WDR75: variants seen among roughly 807,000 people sequenced by gnomAD.
WDR75 encodes the protein WD repeat-containing protein 75.
A neutral mutation model predicts 106.1 loss-of-function variants in WDR75; 52 were observed. The ratio of observed to expected loss-of-function variants is 0.49; its 90% CI spans 0.39 to 0.62. The LOEUF is 0.62. WDR75 is among the 20% of genes least tolerant of loss of function. The pLI is 0.00. For missense variants in WDR75, 905 were observed against 970.3 expected, an observed-to-expected ratio of 0.93 and a Z score of 0.89; for synonymous variants, 333 against 335.5, an observed-to-expected ratio of 0.99 and a Z score of 0.08.
intron 5 of WDR75, among the ~76,000 whole-genome samples, chr2:189,456,530 G>T (rs7571181): frequency 0.065 from 9,827 of 152,020 alleles, 486 homozygotes; most frequent in African/African-American, 0.14. Context: ...GCAGAAAAGA[G>T]TGTATATTTT....
At chr2:189,467,776 A>G (rs1341677670) in intron 14 of WDR75, 128 bp downstream of exon 14, 4 of 876,802 alleles carry the variant, frequency 4.6e-6, no homozygotes, top group Admixed American at 7.3e-5. Context: ...CAGCTAATCA[A>G]AATGCTGGAA....
chr2:189,450,667 AG>A, intron 2 of WDR75: 1 of 1,327,516 alleles, frequency 7.5e-7, no homozygotes, highest in East Asian at 3.4e-5. Context: ...CAAGACAGAA[AG>A]TTGGCTTTTT....
Position 189,457,317 on chromosome 2 carries a change from T to C in WDR75, c.505T>C (p.Tyr169His). The C allele has an allele frequency of 1.3e-6, 2 of 1,598,498 alleles. No individual in the cohort carries two copies. The highest frequency in any genetic ancestry group is 8.6e-7 in the Non-Finnish European group (1 of 1,167,542). ...KCIAFGNEGV[Y>H]VAAVREFYLS... ...CTTCTTTTTGAAATACTAGGGAGTA[T>C]ATGTTGCTGCAGTACGGGAATTTTA... The change falls in exon 6 of 21, where the codon TAT becomes CAT. Residue 169 changes from tyrosine to histidine, a missense_variant. Tyr to His is a moderately conservative substitution (Grantham distance 83). Transcript: ENST00000314761.
In WDR75 at chr2:189,451,844, C is replaced by G. The variant is rs1372012075; in HGVS notation, c.322C>G (p.Leu108Val). ...ATGTAAACTTCATGCCCTCTTTACTCTTGCCCAAGCTGAGGATTCTGTCTT... is the reference window on the plus strand; with the variant it reads ...ATGTAAACTTCATGCCCTCTTTACTGTTGCCCAAGCTGAGGATTCTGTCTT... Reference protein sequence around the residue: ...VGCKLHALFTLAQAEDSVFVI... With the variant: ...VGCKLHALFTVAQAEDSVFVI... The change falls in exon 4 of 21, where the codon CTT becomes GTT. Residue 108 changes from leucine (L) to valine (V), a missense_variant. By Grantham distance (32) the Leu-to-Val change is conservative. Coordinates refer to ENST00000314761, the MANE Select transcript of WDR75 (RefSeq NM_032168.3). 1 of 1,613,696 alleles carries G rather than the reference C, an allele frequency of 6.2e-7. No individual in the cohort carries two copies. The highest frequency in any genetic ancestry group is 1.3e-5 in the African/African-American group (1 of 74,918).
intron 9 of WDR75, among the ~76,000 whole-genome samples, chr2:189,463,389 T>G (rs1686939690): frequency 6.6e-6 from 1 of 152,182 alleles, no homozygotes; most frequent in Admixed American, 6.5e-5. Flanking sequence ...CTTACTGGGT[T>G]GTTTTGTATT....
chr2:189,443,460 C>A (rs376353460), intron 1 of WDR75, among the ~76,000 whole-genome samples: 2 of 152,098 alleles, frequency 1.3e-5, no homozygotes, highest in Non-Finnish European at 2.9e-5. Flanking sequence ...TTGTTTGGAC[C>A]AAAGAGAATG....
chr2:189,447,478 G>A (rs1241545579), intron 1 of WDR75, among the ~76,000 whole-genome samples: 3 of 152,208 alleles, frequency 2.0e-5, no homozygotes, highest in Admixed American at 2.0e-4. Flanking sequence ...TTGTAAGCTG[G>A]TGTTGCCAGT....
chr2:189,451,052 C>A, intron 3 of WDR75, 84 bp downstream of exon 3: 17 of 1,420,448 alleles, frequency 1.2e-5, no homozygotes, highest in South Asian at 5.1e-5. Context: ...TTCTATAAGG[C>A]CAAATATTTA....
At chr2:189,474,519 G>T (rs1343585261) in intron 19 of WDR75, among the ~76,000 whole-genome samples, 187 bp downstream of exon 19, 1 of 152,138 alleles carries the variant, frequency 6.6e-6, no homozygotes, top group Non-Finnish European at 1.5e-5. Flanking sequence ...CCTGGTGTAG[G>T]GATAGGGGTG....
At chr2:189,461,871 T>A (rs1277483511) in intron 8 of WDR75, among the ~76,000 whole-genome samples, 1 of 152,198 alleles carries the variant, frequency 6.6e-6, no homozygotes, top group Admixed American at 6.5e-5. Flanking sequence ...ATCCAGGTAC[T>A]CTTGATGAGA....
Position 189,441,551 on chromosome 2 carries a change from G to T in WDR75, c.59G>T (p.Arg20Met). The T allele has an allele frequency of 6.4e-7, 1 of 1,562,134 alleles. No homozygotes were observed. The change falls in exon 1 of 21, where the codon AGG becomes ATG. Residue 20 changes from arginine to methionine, a missense_variant. Transcript: ENST00000314761. ...VRCGGSELNF[R>M]RAVFSADSKY... ...TGTGGCGGCAGCGAGTTGAACTTTAGGAGAGCTGTGTTCTCTGCAGATTCT... is the reference window on the plus strand; with the variant it reads ...TGTGGCGGCAGCGAGTTGAACTTTATGAGAGCTGTGTTCTCTGCAGATTCT...
chr2:189,469,305 C>T (rs1333109421), intron 15 of WDR75, 39 bp from the exon 16 acceptor site: 1 of 1,523,718 alleles, frequency 6.6e-7, no homozygotes, highest in African/African-American at 1.4e-5. Context: ...TTTGGTAAAT[C>T]TTTCCTTAGA....
intron 2 of WDR75, chr2:189,450,658 A>G (rs991163329): frequency 1.5e-6 from 2 of 1,311,134 alleles, no homozygotes; most frequent in African/African-American, 1.6e-5. Context: ...CTCCCTCTTC[A>G]AGACAGAAAG....
chr2:189,470,170 T>C lies in WDR75; in HGVS notation c.1914T>C (p.Asp638=), dbSNP rs756071596. 3 of 1,613,670 alleles carry C rather than the reference T, an allele frequency of 1.9e-6. No homozygotes were observed. Among genetic ancestry groups the C allele is most frequent in the Non-Finnish European group, 2.5e-6 (3 of 1,179,650 alleles). Residue 638 remains aspartate (D), a synonymous_variant, in exon 17 of 21, where the codon GAT becomes GAC. Coordinates refer to ENST00000314761, the MANE Select transcript of WDR75 (RefSeq NM_032168.3). The stretch of plus-strand genomic sequence containing the variant: ...AGTGGGGAGTGTTTGTTCCACGAGA[T>C]GTCCCTGAATCCTTCACCTCAGAAG... ...KVQWGVFVPR[D]VPESFTSEAY...
At chr2:189,444,087 G>A (rs776816070) in intron 1 of WDR75, among the ~76,000 whole-genome samples, 1 of 148,102 alleles carries the variant, frequency 6.8e-6, no homozygotes, top group African/African-American at 2.4e-5. Context: ...ACTTGGTCAA[G>A]ATTTAGAGAT....
At chr2:189,474,587 A>G in intron 19 of WDR75, 130 bp from the exon 20 acceptor site, 1 of 910,378 alleles carries the variant, frequency 1.1e-6, no homozygotes, top group Non-Finnish European at 1.7e-6. Flanking sequence ...TGGCTTTTGT[A>G]TAGGGAAAGC....
At chr2:189,470,951 A>G in intron 18 of WDR75, 73 bp downstream of exon 18, 7 of 1,178,814 alleles carry the variant, frequency 5.9e-6, no homozygotes, top group Non-Finnish European at 8.2e-6. Context: ...GAAGTCAACT[A>G]TGAAAAAAAT....
At chr2:189,465,029 G>A (rs766577379) in intron 11 of WDR75, 50 bp from the exon 12 acceptor site, 3 of 1,300,154 alleles carry the variant, frequency 2.3e-6, no homozygotes, top group Non-Finnish European at 3.2e-6. Context: ...TAACATTTGT[G>A]TATTTATGTT....
In WDR75 at chr2:189,451,818, G is replaced by A. The variant is rs1338135996; in HGVS notation, c.296G>A (p.Gly99Glu). ...TTTATCTTTCAGACTTTCATAGTTG[G>A]ATGTAAACTTCATGCCCTCTTTACT... ...DGILIKTFIVGCKLHALFTLA... is the reference protein window; with the variant it reads ...DGILIKTFIVECKLHALFTLA... Residue 99 changes from glycine to glutamate, a missense_variant, in exon 4 of 21, where the codon GGA (glycine) becomes GAA (glutamate). Coordinates refer to ENST00000314761, the MANE Select transcript of WDR75 (RefSeq NM_032168.3). The A allele has an allele frequency of 9.9e-6, 16 of 1,613,538 alleles. No homozygotes were observed. The highest frequency in any genetic ancestry group is 2.7e-5 in the African/African-American group (2 of 74,906).
Sources: gnomAD v4.1 joint callset for allele counts (sites outside exome capture counted in the v4.1 genomes callset) on GRCh38, gnomAD v4.1.1 for gene constraint, MANE v1.5 for transcripts, NCBI Gene and HGNC (gene_info 2026-07-23, HGNC 2026-07-21) for gene names.